DCAF7: variants seen among roughly 807,000 people sequenced by gnomAD.
The protein encoded by DCAF7 is DDB1- and CUL4-associated factor 7.
DCAF7 carries 4 observed loss-of-function variants against 41.2 expected under a neutral mutation model. That is an observed-to-expected ratio of 0.10 (90% confidence interval 0.05 to 0.22). The LOEUF (loss-of-function observed/expected upper bound fraction) is 0.22, where lower values mean the gene tolerates loss of function less well. Among genes scored for constraint, DCAF7 ranks in the 10% least tolerant of loss-of-function variants. The pLI is 1.00. For synonymous variants in DCAF7, 143 were observed against 164.2 expected (o/e 0.87, Z 0.99); for missense variants, 131 against 443.2 (o/e 0.30, Z 6.32).
Position 63,579,317 on chromosome 17 carries a change from T to A in DCAF7, c.298-20T>A, listed in dbSNP as rs754142800. ...GAGGATAAGACTGGCTGATTTTTTTTAAAATTCTTGTTCCTTCAGGTTGGT... is the reference window on the plus strand; with the variant it reads ...GAGGATAAGACTGGCTGATTTTTTTAAAAATTCTTGTTCCTTCAGGTTGGT... On this transcript the variant is annotated intron_variant, in intron 2 of 6. Transcript: ENST00000614556. 3.2e-5 allele frequency: 49 copies of A among 1,549,268 alleles called. 1 individual carries two copies. Among genetic ancestry groups the A allele is most frequent in the East Asian group, 1.6e-4 (7 of 43,102 alleles).
In DCAF7 at chr17:63,592,680, C is replaced by A. The variant is rs953885129; in HGVS notation, c.*3508C>A. 1.3e-5 allele frequency: 2 copies of A among 152,110 alleles called. No individual in the cohort carries two copies. Among genetic ancestry groups the A allele is most frequent in the Non-Finnish European group, 2.9e-5 (2 of 68,060 alleles). 9.4% of individuals were successfully genotyped at this position (152,110 alleles called of 1,614,324 possible). A position where few individuals can be genotyped will look rare whatever the true frequency, so the allele number is the denominator to read the frequency against. On this transcript the variant is annotated 3_prime_UTR_variant, in exon 7 of 7. Transcript: ENST00000614556. The stretch of plus-strand genomic sequence containing the variant: ...TGCATGGCTGTGGAGTGAGACTGCC[C>A]TTAGCCTGGGTCAGCCTTCCTGGGC...
rs1363598253 is a variant in DCAF7, at chr17:63,579,835, C to T, written c.420C>T (p.Ser140=). 1.9e-6 allele frequency: 3 copies of T among 1,613,604 alleles called. No individual in the cohort carries two copies. The highest frequency in any genetic ancestry group is 1.7e-5 in the Admixed American group (1 of 59,948). The change falls in exon 4 of 7, where the codon AGC becomes AGT. Residue 140 remains serine (S), a synonymous_variant. Coordinates refer to ENST00000614556, the MANE Select transcript of DCAF7 (RefSeq NM_005828.5). ...ACTGGTTGTTTGCAGGTACCTCAAG[C>T]ATTGATACGACATGCACCATCTGGG... ...EVDPYLLGTS[S]IDTTCTIWGL...
At position 63,589,044 on chromosome 17, in the gene DCAF7, C is replaced by T; in HGVS notation, c.901C>T (p.Arg301Ter). ...CATCTGGGACATCCAGCAAATGCCCCGAGCCATTGAGGACCCTATCCTGGC... is the reference window on the plus strand; with the variant it reads ...CATCTGGGACATCCAGCAAATGCCCTGAGCCATTGAGGACCCTATCCTGGC... ...ALIWDIQQMPRAIEDPILAYT... is the reference protein window; with the variant it reads ...ALIWDIQQMP Residue 301 changes from arginine (R) to a stop codon, truncating the protein, a stop_gained, in exon 7 of 7, where the codon CGA becomes TGA. Coordinates refer to ENST00000614556, the MANE Select transcript of DCAF7 (RefSeq NM_005828.5). LOFTEE classifies it high-confidence loss of function. The T allele has an allele frequency of 3.7e-6, 6 of 1,613,686 alleles. No homozygotes were observed. Among genetic ancestry groups the T allele is most frequent in the Non-Finnish European group, 5.1e-6 (6 of 1,179,788 alleles).
rs199624730 is a variant in DCAF7 at position 63,559,805 on chromosome 17, GA to G, written c.138+8999del. ...CAACAGAGTGGGACTCCGTCTCAAA[GA>G]AAAAAAAACCTTGTACCAGAATTCC... On this transcript the variant is annotated intron_variant, in intron 1 of 6. Transcript: ENST00000614556. Among the ~76,000 whole-genome samples the G allele has an allele frequency of 3.3e-5, 5 of 149,716 alleles. 1 individual carries two copies. In the Middle Eastern group the frequency reaches 0.01, roughly 306 times the overall value.
chr17:63,568,815 TCTTTC>T (rs1180015166), intron 1 of DCAF7, among the ~76,000 whole-genome samples: 1 of 152,212 alleles, frequency 6.6e-6, no homozygotes, highest in African/African-American at 2.4e-5. Flanking sequence ...CTTTTCTGCC[TCTTTC>T]CTTGCATGCT....
chr17:63,576,443 G>A (rs915429397), intron 1 of DCAF7, among the ~76,000 whole-genome samples: 6 of 151,960 alleles, frequency 3.9e-5, no homozygotes, highest in Non-Finnish European at 7.4e-5. Context: ...GCAAAACTCC[G>A]TCTCAAAAGG....
chr17:63,585,975 A>T (rs1384223882), intron 6 of DCAF7, among the ~76,000 whole-genome samples: 3 of 151,902 alleles, frequency 2.0e-5, no homozygotes, highest in Non-Finnish European at 4.4e-5. Flanking sequence ...TACAAAAAAA[A>T]TTAGCCAGGC....
intron 1 of DCAF7, among the ~76,000 whole-genome samples, chr17:63,564,985 G>A (rs900701625): frequency 2.6e-5 from 4 of 152,220 alleles, no homozygotes; most frequent in Admixed American, 1.3e-4. Context: ...GAATCTAGAT[G>A]AGGAGTTGGG....
chr17:63,586,625 G>A (rs1298195802), intron 6 of DCAF7, among the ~76,000 whole-genome samples: 2 of 151,954 alleles, frequency 1.3e-5, no homozygotes, highest in Non-Finnish European at 2.9e-5. Context: ...AGCTGGGCGT[G>A]GTGGCACATG....
intron 3 of DCAF7, 146 bp from the exon 4 acceptor site, chr17:63,579,679 G>A (rs8077278): frequency 2.8e-6 from 2 of 721,280 alleles, no homozygotes; most frequent in South Asian, 1.9e-5. Context: ...TGACTGCCTC[G>A]GTGGCTCTGC....
intron 1 of DCAF7, among the ~76,000 whole-genome samples, chr17:63,565,444 G>A (rs1021862165): frequency 4.6e-5 from 7 of 152,030 alleles, no homozygotes; most frequent in African/African-American, 1.7e-4. Flanking sequence ...GCGTGGTGGT[G>A]CATGCCTATA....
At chr17:63,554,568 C>T (rs2033291889) in intron 1 of DCAF7, among the ~76,000 whole-genome samples, 1 of 152,242 alleles carries the variant, frequency 6.6e-6, no homozygotes, top group South Asian at 2.1e-4. Flanking sequence ...CCTGGGTTAT[C>T]TAAGTCCTGC....
Position 63,585,322 on chromosome 17 carries a change from A to C in DCAF7, c.850A>C (p.Thr284Pro). Residue 284 changes from threonine to proline, a missense_variant, in exon 6 of 7, where the codon ACT becomes CCT. Physicochemically the swap from Thr to Pro is conservative, Grantham distance 38. Coordinates refer to ENST00000614556, the MANE Select transcript of DCAF7 (RefSeq NM_005828.5). The part of the protein sequence containing the change: ...WAPHSSCHIC[T>P]AADDHQALIW... ...CCCACATTCATCCTGCCACATCTGC[A>C]CTGCAGGTAATCATGGTGGGGAGAA... is the stretch of plus-strand genomic sequence containing the variant. The C allele has an allele frequency of 6.2e-7, 1 of 1,612,698 alleles. No homozygotes were observed. Among genetic ancestry groups the C allele is most frequent in the Non-Finnish European group, 8.5e-7 (1 of 1,178,758 alleles).
At chr17:63,555,674 A>T (rs1023999033) in intron 1 of DCAF7, among the ~76,000 whole-genome samples, 4 of 152,174 alleles carry the variant, frequency 2.6e-5, no homozygotes, top group African/African-American at 9.7e-5. Context: ...CCCTGTCAAG[A>T]CTGTCAGCAG....
chr17:63,554,520 C>T (rs963314551), intron 1 of DCAF7, among the ~76,000 whole-genome samples: 1 of 152,264 alleles, frequency 6.6e-6, no homozygotes, highest in African/African-American at 2.4e-5. Flanking sequence ...TTCTGCCCTT[C>T]CATCCAAGTT....
intron 1 of DCAF7, chr17:63,552,362 G>A (rs1456556753): frequency 1.3e-5 from 2 of 152,180 alleles, no homozygotes; most frequent in Non-Finnish European, 2.9e-5. Context: ...TGAAAGCTAT[G>A]GATTCTCATT....
intron 1 of DCAF7, among the ~76,000 whole-genome samples, chr17:63,557,998 C>T (rs1027924517): frequency 6.6e-6 from 1 of 152,014 alleles, no homozygotes; most frequent in Non-Finnish European, 1.5e-5. Flanking sequence ...TAGGCTTAAT[C>T]GATTGTCCCA....
rs182561111 is a variant in DCAF7 at position 63,573,220 on chromosome 17, G to A, written c.139-5250G>A. 3 of 152,262 alleles carry A rather than the reference G, an allele frequency of 2.0e-5. No individual in the cohort carries two copies. In the East Asian group the frequency reaches 5.8e-4, roughly 29 times the overall value. The allele number at this position is 152,262 out of a possible 1,614,324, so 9.4% of individuals were successfully genotyped here. ...CAACTTGGAAAATTGGGTATCCATT[G>A]CCCCAAGCATTTATCCTTTGTGAAA... On this transcript the variant is annotated intron_variant, in intron 1 of 6. Coordinates refer to ENST00000614556, the MANE Select transcript of DCAF7 (RefSeq NM_005828.5).
At chr17:63,577,908 G>A (rs1369965559) in intron 1 of DCAF7, among the ~76,000 whole-genome samples, 2 of 152,154 alleles carry the variant, frequency 1.3e-5, no homozygotes, top group African/African-American at 2.4e-5. Flanking sequence ...GCAGACTTGA[G>A]TCAGAAAACC....
Sources: allele counts gnomAD v4.1 joint callset (sites outside exome capture counted in the v4.1 genomes callset), GRCh38; gene constraint gnomAD v4.1.1; transcripts MANE v1.5; gene names NCBI Gene and HGNC (gene_info 2026-07-23, HGNC 2026-07-21).